Variants in HPSE2 observed in about 807,000 individuals in gnomAD.
HPSE2 encodes heparanase 2 (inactive).
HPSE2 carries 38 observed loss-of-function variants against 60.5 expected under a neutral mutation model. The observed-to-expected ratio is 0.63, with a 90% CI of 0.48 to 0.82. The LOEUF (loss-of-function observed/expected upper bound fraction) is 0.82. Among genes scored for constraint, HPSE2 ranks in the 40% least tolerant of loss-of-function variants. The pLI is 0.00. For missense variants in HPSE2, 713 were observed against 740.4 expected (o/e 0.96, Z 0.43); for synonymous variants, 295 against 293.2 (o/e 1.01, Z -0.06).
chr10:98,649,161 T>C (rs1946851520), intron 6 of HPSE2, among the ~76,000 whole-genome samples: 1 of 152,240 alleles, frequency 6.6e-6, no homozygotes, highest in Non-Finnish European at 1.5e-5. Context: ...CTTATACTGT[T>C]GCCACATCCT....
At chr10:99,008,773 C>A (rs1329687646) in intron 3 of HPSE2, among the ~76,000 whole-genome samples, 1 of 152,046 alleles carries the variant, frequency 6.6e-6, no homozygotes, top group Non-Finnish European at 1.5e-5. Context: ...TCTAAAGCAG[C>A]CAGACTCAGT....
chr10:98,565,801 T>C (rs2133885446), intron 9 of HPSE2, among the ~76,000 whole-genome samples: 2 of 152,282 alleles, frequency 1.3e-5, no homozygotes, highest in Middle Eastern at 6.8e-3. Context: ...GTATACTAGG[T>C]GAGTGTCTTA....
At chr10:98,929,559 T>C (rs1349854039) in intron 3 of HPSE2, among the ~76,000 whole-genome samples, 5 of 143,710 alleles carry the variant, frequency 3.5e-5, no homozygotes, top group Non-Finnish European at 6.0e-5. Flanking sequence ...AAGACCTAAG[T>C]TATTTGCCAG....
intron 3 of HPSE2, among the ~76,000 whole-genome samples, chr10:98,839,856 G>C (rs1951870726): frequency 1.3e-5 from 2 of 152,156 alleles, no homozygotes; most frequent in Non-Finnish European, 2.9e-5. Context: ...AAATGGAGGA[G>C]AGAGTGATGA....
chr10:98,774,730 C>T (rs80245220), intron 3 of HPSE2, among the ~76,000 whole-genome samples: 4 of 152,224 alleles, frequency 2.6e-5, no homozygotes, highest in East Asian at 1.9e-4. Flanking sequence ...CTTAAGTAAC[C>T]GGTACTGGCA....
intron 2 of HPSE2, among the ~76,000 whole-genome samples, chr10:99,202,305 C>T (rs996272082): frequency 6.6e-5 from 10 of 152,118 alleles, no homozygotes; most frequent in African/African-American, 2.4e-4. Flanking sequence ...CCCTATTTGG[C>T]TTTTAAATGT....
At chr10:98,850,274 G>C (rs1952137718) in intron 3 of HPSE2, among the ~76,000 whole-genome samples, 1 of 152,012 alleles carries the variant, frequency 6.6e-6, no homozygotes, top group African/African-American at 2.4e-5. Flanking sequence ...ATCTGACATT[G>C]TTCAACAGAT....
chr10:99,244,172 C>T, the HPSE2 span, among the ~76,000 whole-genome samples: 4 of 151,288 alleles, frequency 2.6e-5, no homozygotes, highest in African/African-American at 7.3e-5. Flanking sequence ...CGCCCGCCAC[C>T]GTGCCCGGCT....
At chr10:98,861,311 G>T (rs1023759236) in intron 3 of HPSE2, among the ~76,000 whole-genome samples, 8 of 152,126 alleles carry the variant, frequency 5.3e-5, no homozygotes, top group African/African-American at 1.7e-4. Context: ...TTAAGGCAGT[G>T]ATCTTCCAGT....
chr10:98,462,556 A>ATTTTTT (rs1940340951), intron 11 of HPSE2, among the ~76,000 whole-genome samples: 2 of 152,048 alleles, frequency 1.3e-5, no homozygotes, highest in Admixed American at 1.3e-4. Context: ...GCTCTGTGGT[A>ATTTTTT]CTCACATTTT....
rs1421934133 is a variant in HPSE2 at position 98,508,289 on chromosome 10, C to T, written c.1321-18093G>A. 4.6e-5 allele frequency among the ~76,000 whole-genome samples: 7 copies of T among 152,298 alleles called. No homozygotes were observed. In the East Asian group the frequency reaches 7.7e-4, roughly 17 times the overall value. ...TTAGTATTTGTCAAAAAGTCAATTG[C>T]TGTCTGAAAGCTAGACAAAGTAGTA... On this transcript the variant is annotated intron_variant, in intron 9 of 11. Coordinates refer to ENST00000370552, the MANE Select transcript of HPSE2 (RefSeq NM_021828.5).
At chr10:98,565,623 G>A (rs1347432076) in intron 9 of HPSE2, among the ~76,000 whole-genome samples, 2 of 152,096 alleles carry the variant, frequency 1.3e-5, no homozygotes, top group Admixed American at 6.5e-5. Context: ...TGTAACTAAC[G>A]CTGCAGTAAA....
At chr10:99,199,861 G>A (rs1454329028) in intron 2 of HPSE2, among the ~76,000 whole-genome samples, 1 of 152,080 alleles carries the variant, frequency 6.6e-6, no homozygotes, top group Admixed American at 6.6e-5. Flanking sequence ...TGAATCTGTA[G>A]ATTTCTTTCG....
At chr10:98,845,623 G>A (rs1350244678) in intron 3 of HPSE2, among the ~76,000 whole-genome samples, 1 of 152,198 alleles carries the variant, frequency 6.6e-6, no homozygotes, top group Non-Finnish European at 1.5e-5. Flanking sequence ...TCAATTGGAT[G>A]CATAAATCCT....
chr10:98,987,525 A>G (rs189966848), intron 3 of HPSE2, among the ~76,000 whole-genome samples: 2,324 of 152,284 alleles, frequency 0.015, 44 homozygotes, highest in Non-Finnish European at 0.019. Context: ...TGACAAACCC[A>G]CAGCCAATAT....
intron 3 of HPSE2, among the ~76,000 whole-genome samples, chr10:98,956,410 C>T (rs3897503): frequency 0.15 from 23,347 of 152,094 alleles, 2,705 homozygotes; most frequent in African/African-American, 0.32. Context: ...ACAAACTAAC[C>T]TAAAATAACA....
chr10:99,175,105 G>GTA (rs1479664044), intron 2 of HPSE2, among the ~76,000 whole-genome samples: 5 of 152,154 alleles, frequency 3.3e-5, no homozygotes, highest in Non-Finnish European at 7.4e-5. Flanking sequence ...TTTTCCCGTG[G>GTA]TCTTCACAAC....
chr10:98,566,251 T>C (rs1944341713), intron 9 of HPSE2, among the ~76,000 whole-genome samples: 1 of 152,194 alleles, frequency 6.6e-6, no homozygotes, highest in African/African-American at 2.4e-5. Flanking sequence ...AGAGAAAAAG[T>C]GGCATAGCTA....
At chr10:98,557,169 C>T (rs1283579802) in intron 9 of HPSE2, among the ~76,000 whole-genome samples, 1 of 151,876 alleles carries the variant, frequency 6.6e-6, no homozygotes, top group Admixed American at 6.6e-5. Context: ...GCCGAGATCG[C>T]ACCACTGCAC....
Sources: gnomAD v4.1 joint callset for allele counts (sites outside exome capture counted in the v4.1 genomes callset) on GRCh38, gnomAD v4.1.1 for gene constraint, MANE v1.5 for transcripts, NCBI Gene and HGNC (gene_info 2026-07-23, HGNC 2026-07-21) for gene names.